Variants in MYO9A observed in about 807,000 individuals in gnomAD.
MYO9A encodes myosin IXA, also known as unconventional myosin-IXa.
Under a neutral mutation model 293.3 loss-of-function variants are expected in MYO9A, and 103 were observed. That is an observed-to-expected ratio of 0.35 (90% confidence interval 0.30 to 0.41). MYO9A has a LOEUF of 0.41. MYO9A is among the 10% of genes least tolerant of loss of function. The probability of loss-of-function intolerance (pLI) is 1.00; values close to 1 mark genes in which losing one functional copy is unlikely to be tolerated. For synonymous variants in MYO9A, 1,001 were observed against 1,035.7 expected, an observed-to-expected ratio of 0.97 and a Z score of 0.64; for missense variants, 2,685 against 3,033.0, an observed-to-expected ratio of 0.89 and a Z score of 2.69.
chr15:71,858,709 G>GT (rs1360293657), intron 34 of MYO9A: 1 of 108,544 alleles, frequency 9.2e-6, no homozygotes, highest in African/African-American at 3.6e-5. Context: ...CTGTCGTGGG[G>GT]TGGGGGGAGG....
intron 9 of MYO9A, 105 bp from the exon 10 acceptor site, chr15:71,994,690 T>C: frequency 1.7e-6 from 1 of 599,228 alleles, no homozygotes; most frequent in Non-Finnish European, 2.9e-6. Context: ...TATCCTGAAT[T>C]AGAAATGAAT....
intron 1 of MYO9A, among the ~76,000 whole-genome samples, chr15:72,101,980 G>A (rs1465115327): frequency 6.6e-6 from 1 of 151,810 alleles, no homozygotes; most frequent in Non-Finnish European, 1.5e-5. Flanking sequence ...CACCCCGTCT[G>A]GGAGGTGTGC....
chr15:71,935,979 T>C (rs1409221744), intron 16 of MYO9A, among the ~76,000 whole-genome samples: 3 of 151,594 alleles, frequency 2.0e-5, no homozygotes, highest in South Asian at 2.1e-4. Flanking sequence ...ACTCTAAACA[T>C]TGCAGATATA....
At chr15:71,866,856 A>G (rs945447115) in intron 32 of MYO9A, among the ~76,000 whole-genome samples, 1 of 152,248 alleles carries the variant, frequency 6.6e-6, no homozygotes, top group Admixed American at 6.5e-5. Context: ...CAGGAGTTTG[A>G]GATCAGCCTG....
At chr15:72,085,799 TTG>T (rs1198101128) in intron 1 of MYO9A, among the ~76,000 whole-genome samples, 2 of 152,246 alleles carry the variant, frequency 1.3e-5, no homozygotes, top group Admixed American at 1.3e-4. Flanking sequence ...AAATGGTTTT[TTG>T]TTTTTTTCCT....
intron 27 of MYO9A, among the ~76,000 whole-genome samples, chr15:71,887,509 G>C (rs982243058): frequency 1.3e-5 from 2 of 152,004 alleles, no homozygotes; most frequent in African/African-American, 4.8e-5. Context: ...GACATCAGAG[G>C]AATCTACCAA....
intron 1 of MYO9A, among the ~76,000 whole-genome samples, chr15:72,089,976 G>A (rs575028497): frequency 6.6e-6 from 1 of 152,244 alleles, no homozygotes; most frequent in East Asian, 1.9e-4. Flanking sequence ...TTGTTAAGCT[G>A]TGAGATAACA....
chr15:71,975,497 T>C (rs2076121103), intron 12 of MYO9A, among the ~76,000 whole-genome samples: 2 of 151,498 alleles, frequency 1.3e-5, no homozygotes, highest in South Asian at 4.2e-4. Flanking sequence ...GTTATAATGT[T>C]GGGGTGCTTT....
chr15:71,861,192 G>A (rs1244174914), intron 33 of MYO9A, among the ~76,000 whole-genome samples: 1 of 151,174 alleles, frequency 6.6e-6, no homozygotes, highest in Non-Finnish European at 1.5e-5. Context: ...GTTGAACCAT[G>A]GAATAAGTAA....
intron 2 of MYO9A, chr15:72,040,166 A>G (rs566939983): frequency 1.3e-5 from 2 of 152,810 alleles, no homozygotes; most frequent in Admixed American, 1.3e-4. Flanking sequence ...TTTTGCTGGG[A>G]GCCCGTAGAT....
intron 39 of MYO9A, among the ~76,000 whole-genome samples, chr15:71,833,856 C>T (rs2054830367): frequency 6.6e-6 from 1 of 151,922 alleles, no homozygotes; most frequent in African/African-American, 2.4e-5. Context: ...AATATAAAAA[C>T]CCATGTAAGC....
chr15:71,933,620 A>G (rs2277543), intron 18 of MYO9A, 50 bp downstream of exon 18: 26,479 of 1,505,536 alleles, frequency 0.018, 328 homozygotes, highest in East Asian at 0.025. Flanking sequence ...GTAATAAAAA[A>G]TAATTGTGTA....
At chr15:71,854,887 T>A (rs2141452697) in intron 34 of MYO9A, among the ~76,000 whole-genome samples, 1 of 152,306 alleles carries the variant, frequency 6.6e-6, no homozygotes, top group Middle Eastern at 3.4e-3. Flanking sequence ...GGATTTTATA[T>A]GCAAACAGCT....
intron 11 of MYO9A, among the ~76,000 whole-genome samples, chr15:71,989,184 C>A (rs902696487): frequency 2.0e-5 from 3 of 151,930 alleles, no homozygotes; most frequent in African/African-American, 7.3e-5. Flanking sequence ...GCCACCACTC[C>A]CAGCCAAAAG....
At chr15:71,969,525 C>T (rs1262843983) in intron 12 of MYO9A, among the ~76,000 whole-genome samples, 1 of 152,212 alleles carries the variant, frequency 6.6e-6, no homozygotes, top group Non-Finnish European at 1.5e-5. Context: ...AGCTCCAAAG[C>T]ATAGGCCAGC....
chr15:72,072,137 T>C (rs1386451714), intron 1 of MYO9A, among the ~76,000 whole-genome samples: 1 of 150,856 alleles, frequency 6.6e-6, no homozygotes, highest in Non-Finnish European at 1.5e-5. Context: ...ACATTCTTTT[T>C]CTTTTTTTTT....
At chr15:71,940,430 T>C (rs2058744695) in intron 15 of MYO9A, among the ~76,000 whole-genome samples, 2 of 151,962 alleles carry the variant, frequency 1.3e-5, no homozygotes, top group Non-Finnish European at 2.9e-5. Context: ...AGGTCGAGGC[T>C]GCAGTGAGCT....
chr15:72,006,550 A>G (rs1451219103), intron 8 of MYO9A, among the ~76,000 whole-genome samples: 2 of 152,232 alleles, frequency 1.3e-5, no homozygotes, highest in African/African-American at 4.8e-5. Flanking sequence ...GAGGGACTGA[A>G]CAGGTAAAGC....
intron 15 of MYO9A, among the ~76,000 whole-genome samples, chr15:71,946,260 G>T (rs995850220): frequency 1.3e-5 from 2 of 152,170 alleles, no homozygotes; most frequent in African/African-American, 4.8e-5. Flanking sequence ...GAGTTGAAGA[G>T]AATTGGTATA....
Sources: allele counts gnomAD v4.1 joint callset (sites outside exome capture counted in the v4.1 genomes callset), GRCh38; gene constraint gnomAD v4.1.1; transcripts MANE v1.5; gene names NCBI Gene and HGNC (gene_info 2026-07-23, HGNC 2026-07-21).